The following UGGT1 variants were observed in gnomAD, a reference collection of about 807,000 sequenced individuals.
The protein encoded by UGGT1 is UDP-glucose:glycoprotein glucosyltransferase 1.
Under a neutral mutation model 203.9 loss-of-function variants are expected in UGGT1, and 107 were observed. The ratio of observed to expected loss-of-function variants is 0.52; its 90% confidence interval spans 0.45 to 0.62. The LOEUF (loss-of-function observed/expected upper bound fraction) is 0.62. Among genes scored for constraint, UGGT1 ranks in the 20% least tolerant of loss-of-function variants. The pLI, the probability that UGGT1 is intolerant of heterozygous loss-of-function variation, is 0.00. For missense variants in UGGT1, 1,673 were observed against 1,867.2 expected, an observed-to-expected ratio of 0.90 and a Z score of 1.92; for synonymous variants, 628 against 653.5, an observed-to-expected ratio of 0.96 and a Z score of 0.59.
chr2:128,137,958 G>C (rs902905059), intron 15 of UGGT1, among the ~76,000 whole-genome samples: 1 of 151,730 alleles, frequency 6.6e-6, no homozygotes, highest in South Asian at 2.1e-4. Flanking sequence ...GCTTTTTGTC[G>C]TGGGACAGTT....
At chr2:128,107,011 A>G (rs1257163915) in intron 3 of UGGT1, among the ~76,000 whole-genome samples, 1 of 152,182 alleles carries the variant, frequency 6.6e-6, no homozygotes, top group Non-Finnish European at 1.5e-5. Flanking sequence ...AGTTTTTTGC[A>G]TGGATATATG....
intron 10 of UGGT1, 108 bp downstream of exon 10, chr2:128,121,406 T>A: frequency 1.4e-5 from 3 of 215,098 alleles, no homozygotes; most frequent in African/African-American, 1.4e-4. Flanking sequence ...ATTAAGATTC[T>A]TTTTTTTTTT....
In UGGT1 at chr2:128,109,630, A is replaced by T. The variant is rs761199513; in HGVS notation, c.409-4A>T. 1.7e-5 allele frequency: 28 copies of T among 1,611,890 alleles called. No homozygotes were observed. Among genetic ancestry groups the T allele is most frequent in the Non-Finnish European group, 2.2e-5 (26 of 1,178,002 alleles). On this transcript the variant is annotated splice_region_variant and splice_polypyrimidine_tract_variant and intron_variant, in intron 4 of 40. Coordinates refer to ENST00000259253, the MANE Select transcript of UGGT1 (RefSeq NM_020120.4). ...AAAAGTATGTGTTGTGTCTTATGTG[A>T]CAGATAGCAGCTGATGAACCTCCAC...
intron 33 of UGGT1, 127 bp downstream of exon 33, chr2:128,178,047 C>G: frequency 1.3e-6 from 1 of 771,918 alleles, no homozygotes; most frequent in East Asian, 2.9e-5. Flanking sequence ...AGCTACATCT[C>G]ACACTTATAT....
chr2:128,158,467 T>C (rs60681928), intron 22 of UGGT1, among the ~76,000 whole-genome samples: 15,697 of 152,294 alleles, frequency 0.1, 1,678 homozygotes, highest in African/African-American at 0.26. Context: ...TGGAATGTTA[T>C]GCAATTTCAT....
At chr2:128,127,321 A>AT in intron 11 of UGGT1, 40 bp from the exon 12 acceptor site, 1 of 1,460,192 alleles carries the variant, frequency 6.8e-7, no homozygotes, top group Non-Finnish European at 9.5e-7. Flanking sequence ...TTTTTAAAAC[A>AT]TTCTCTCACA....
chr2:128,184,228 G>GTGT (rs1691863140), intron 38 of UGGT1, among the ~76,000 whole-genome samples: 1 of 152,250 alleles, frequency 6.6e-6, no homozygotes, highest in Admixed American at 6.5e-5. Context: ...AAACCATGAT[G>GTGT]TGTTTCAAGG....
chr2:128,183,960 G>A (rs1285780510), intron 38 of UGGT1, among the ~76,000 whole-genome samples, 171 bp downstream of exon 38: 1 of 151,580 alleles, frequency 6.6e-6, no homozygotes, highest in East Asian at 1.9e-4. Flanking sequence ...GAGAGAGAGA[G>A]ATTTTTATCT....
At chr2:128,172,801 T>TA in intron 29 of UGGT1, 39 bp downstream of exon 29, 1 of 1,574,866 alleles carries the variant, frequency 6.3e-7, no homozygotes, top group Non-Finnish European at 8.7e-7. Flanking sequence ...CCTAATCATG[T>TA]ATAATACAGC....
intron 39 of UGGT1, 71 bp from the exon 40 acceptor site, chr2:128,187,378 A>G: frequency 6.5e-7 from 1 of 1,536,552 alleles, no homozygotes; most frequent in Non-Finnish European, 8.8e-7. Context: ...CTTGTAACCC[A>G]AGAACCTTTG....
chr2:128,189,611 G>A (rs911525433), intron 40 of UGGT1, 106 bp from the exon 41 acceptor site: 61 of 1,124,660 alleles, frequency 5.4e-5, no homozygotes, highest in Non-Finnish European at 7.9e-5. Context: ...ATAAGATGAA[G>A]GTGGAGGTAC....
intron 4 of UGGT1, 22 bp from the exon 5 acceptor site, chr2:128,109,612 T>C: frequency 6.4e-7 from 1 of 1,571,408 alleles, no homozygotes; most frequent in Non-Finnish European, 8.8e-7. Flanking sequence ...TTAAAAAGTA[T>C]GTGTTGTGTC....
chr2:128,124,798 C>G (rs971545050), intron 11 of UGGT1, among the ~76,000 whole-genome samples: 1 of 151,030 alleles, frequency 6.6e-6, no homozygotes, highest in Non-Finnish European at 1.5e-5. Context: ...TTATGGTGTT[C>G]CCGTGTATCT....
At chr2:128,125,722 C>T (rs1234379611) in intron 11 of UGGT1, among the ~76,000 whole-genome samples, 17 of 152,058 alleles carry the variant, frequency 1.1e-4, no homozygotes, top group Non-Finnish European at 2.5e-4. Context: ...GAATTAAGTA[C>T]ATCTGAGGGA....
At position 128,178,453 on chromosome 2, in the gene UGGT1, C is replaced by T. The variant is rs1412107906; in HGVS notation, c.3714-15C>T. On this transcript the variant is annotated splice_polypyrimidine_tract_variant and intron_variant, in intron 33 of 40. Transcript: ENST00000259253. Reference sequence around the variant, plus strand: ...AGTGTTTCAAGTGGTCTTTTTTTTACCCTTATTGTTATAGGGGCTTTACAG... The same window carrying T: ...AGTGTTTCAAGTGGTCTTTTTTTTATCCTTATTGTTATAGGGGCTTTACAG... 1.9e-6 allele frequency: 3 copies of T among 1,598,420 alleles called. No individual in the cohort carries two copies. The highest frequency in any genetic ancestry group is 1.4e-5 in the African/African-American group (1 of 73,948).
Position 128,111,889 on chromosome 2 carries a change from C to T in UGGT1, c.522-1195C>T, listed in dbSNP as rs191454787. On this transcript the variant is annotated intron_variant, in intron 5 of 40. Coordinates refer to ENST00000259253, the MANE Select transcript of UGGT1 (RefSeq NM_020120.4). ...CCGTGGTGGCTTACGCCTGTAATCCCAGAACTTTGGGAGGCTGAGGTGGGT... is the reference window on the plus strand; with the variant it reads ...CCGTGGTGGCTTACGCCTGTAATCCTAGAACTTTGGGAGGCTGAGGTGGGT... 4.4e-3 allele frequency among the ~76,000 whole-genome samples: 669 copies of T among 151,966 alleles called. 1 individual carries two copies. Among genetic ancestry groups the T allele is most frequent in the African/African-American group, 0.015 (635 of 41,452 alleles).
intron 1 of UGGT1, among the ~76,000 whole-genome samples, chr2:128,092,303 G>A (rs929834755): frequency 3.1e-5 from 4 of 128,446 alleles, no homozygotes; most frequent in African/African-American, 1.1e-4. Context: ...CTTAGCTGAA[G>A]CTTATTTTAA....
At chr2:128,119,725 T>C (rs1051478700) in intron 8 of UGGT1, among the ~76,000 whole-genome samples, 4 of 151,466 alleles carry the variant, frequency 2.6e-5, no homozygotes, top group Non-Finnish European at 5.9e-5. Context: ...CACAAAAGCA[T>C]AGAGAAAAAT....
intron 3 of UGGT1, among the ~76,000 whole-genome samples, chr2:128,105,083 G>C (rs1448667338): frequency 1.3e-5 from 2 of 150,590 alleles, no homozygotes; most frequent in African/African-American, 4.9e-5. Flanking sequence ...AGGTCTCACT[G>C]TGTTGCCCAG....
Sources: allele counts gnomAD v4.1 joint callset (sites outside exome capture counted in the v4.1 genomes callset), GRCh38; gene constraint gnomAD v4.1.1; transcripts MANE v1.5; gene names NCBI Gene and HGNC (gene_info 2026-07-23, HGNC 2026-07-21).